The following S100A8 variants were observed in gnomAD, a reference collection of about 807,000 sequenced individuals.
S100A8 encodes S100 calcium binding protein A8.
S100A8 carries 1 observed loss-of-function variant against 4.2 expected under a neutral mutation model. That is an observed-to-expected ratio of 0.24 (90% CI 0.08 to 1.12). The LOEUF (loss-of-function observed/expected upper bound fraction) is 1.12, where lower values mean the gene tolerates loss of function less well. S100A8 is among the 50% of genes most tolerant of loss of function. The pLI is 0.53. For synonymous variants in S100A8, 41 were observed against 44.7 expected (o/e 0.92, Z 0.33); for missense variants, 96 against 111.8 (o/e 0.86, Z 0.64).
upstream of S100A8, among the ~76,000 whole-genome samples, chr1:153,394,428 G>C (rs1406928439): frequency 6.6e-6 from 1 of 152,138 alleles, no homozygotes; most frequent in Non-Finnish European, 1.5e-5. Context: ...CACAGCCAGG[G>C]GCCTGCAGGA....
At chr1:153,422,533 A>G in the S100A8 span, 1 of 985,360 alleles carries the variant, frequency 1.0e-6, no homozygotes, top group Non-Finnish European at 1.2e-6. Flanking sequence ...AGCTGATGTG[A>G]AAGAGATTCT....
chr1:153,419,569 G>A, the S100A8 span: 41 of 469,830 alleles, frequency 8.7e-5, no homozygotes, highest in South Asian at 5.7e-4. Flanking sequence ...CCTCTGCACC[G>A]TTCCCTAAAT....
At chr1:153,410,190 A>T in the S100A8 span, among the ~76,000 whole-genome samples, 5 of 152,234 alleles carry the variant, frequency 3.3e-5, no homozygotes, top group Non-Finnish European at 5.9e-5. Context: ...TGAATCCAGG[A>T]GCTGGTTTTT....
the S100A8 span, among the ~76,000 whole-genome samples, chr1:153,402,373 A>C: frequency 8.3e-4 from 126 of 152,134 alleles, no homozygotes; most frequent in Non-Finnish European, 1.6e-3. Flanking sequence ...CAACCACTAC[A>C]TTACCTTGTC....
the S100A8 span, among the ~76,000 whole-genome samples, chr1:153,415,954 G>A: frequency 5.0e-3 from 758 of 152,328 alleles, 12 homozygotes; most frequent in African/African-American, 0.018. Context: ...GTGATGATTT[G>A]TTGTGTTTAC....
At chr1:153,405,165 G>A in the S100A8 span, among the ~76,000 whole-genome samples, 1 of 151,878 alleles carries the variant, frequency 6.6e-6, no homozygotes, top group East Asian at 1.9e-4. Context: ...GGCGAGATGA[G>A]GAATGATCAT....
At chr1:153,398,872 G>A in the S100A8 span, among the ~76,000 whole-genome samples, 15 of 152,198 alleles carry the variant, frequency 9.9e-5, no homozygotes, top group Middle Eastern at 3.2e-3. Flanking sequence ...TTGGAGCTTC[G>A]TTCAAACCCA....
At chr1:153,416,188 C>A in the S100A8 span, among the ~76,000 whole-genome samples, 2 of 152,160 alleles carry the variant, frequency 1.3e-5, no homozygotes, top group African/African-American at 4.8e-5. Context: ...GACCATGCTG[C>A]CTTTGGGAGT....
the S100A8 span, chr1:153,419,098 T>C: frequency 6.3e-7 from 1 of 1,599,366 alleles, no homozygotes; most frequent in African/African-American, 1.3e-5. Flanking sequence ...AGCCCAAAAC[T>C]TGTTTGTGAT....
At chr1:153,418,787 G>A in the S100A8 span, among the ~76,000 whole-genome samples, 5 of 152,136 alleles carry the variant, frequency 3.3e-5, no homozygotes, top group African/African-American at 1.2e-4. Context: ...AAAGCATGAG[G>A]GCCAATTTTG....
At chr1:153,405,516 C>T in the S100A8 span, among the ~76,000 whole-genome samples, 1 of 150,910 alleles carries the variant, frequency 6.6e-6, no homozygotes, top group East Asian at 2.0e-4. Context: ...AAGGAACATC[C>T]CCATCATATC....
the S100A8 span, chr1:153,420,497 C>G: frequency 6.6e-6 from 1 of 152,354 alleles, no homozygotes; most frequent in Non-Finnish European, 1.5e-5. Flanking sequence ...GCAAACATCT[C>G]AAAAATTCTC....
the S100A8 span, among the ~76,000 whole-genome samples, chr1:153,417,649 T>G: frequency 6.6e-6 from 1 of 152,192 alleles, no homozygotes; most frequent in Non-Finnish European, 1.5e-5. Flanking sequence ...CCAAGGCCAT[T>G]GTCCTGCCCC....
chr1:153,406,117 G>T, the S100A8 span, among the ~76,000 whole-genome samples: 4 of 152,152 alleles, frequency 2.6e-5, no homozygotes, highest in African/African-American at 9.6e-5. Flanking sequence ...CCCCTACAAA[G>T]CTTCCCCTGG....
chr1:153,399,673 A>T, the S100A8 span, among the ~76,000 whole-genome samples: 37 of 152,224 alleles, frequency 2.4e-4, no homozygotes, highest in African/African-American at 8.7e-4. Flanking sequence ...ACACACTGTC[A>T]CTAGGCACAT....
the S100A8 span, chr1:153,422,472 G>A: frequency 1.0e-6 from 1 of 964,644 alleles, no homozygotes; most frequent in Non-Finnish European, 1.2e-6. Context: ...ACATTATATT[G>A]GTACTAAAGA....
chr1:153,418,849 G>A, the S100A8 span, among the ~76,000 whole-genome samples: 1 of 152,136 alleles, frequency 6.6e-6, no homozygotes, highest in Non-Finnish European at 1.5e-5. Context: ...CTGGGAACAG[G>A]CAAGATTGAG....
the S100A8 span, among the ~76,000 whole-genome samples, chr1:153,417,451 C>G: frequency 3.3e-5 from 5 of 152,166 alleles, no homozygotes; most frequent in Non-Finnish European, 7.4e-5. Flanking sequence ...TTCTCATTCC[C>G]AAGGGAATGT....
At chr1:153,415,839 C>T in the S100A8 span, among the ~76,000 whole-genome samples, 1 of 152,170 alleles carries the variant, frequency 6.6e-6, no homozygotes, top group Non-Finnish European at 1.5e-5. Context: ...AATCCTGCTT[C>T]CCTCCCTGGA....
Sources: allele counts gnomAD v4.1 joint callset (sites outside exome capture counted in the v4.1 genomes callset), GRCh38; gene constraint gnomAD v4.1.1; transcripts MANE v1.5; gene names NCBI Gene and HGNC (gene_info 2026-07-23, HGNC 2026-07-21).